The following ZNF521 variants were observed in gnomAD, a reference collection of about 807,000 sequenced individuals.
ZNF521 encodes LYST-interacting protein 3.
A neutral mutation model predicts 105.5 loss-of-function variants in ZNF521; 14 were observed. The observed-to-expected ratio is 0.13, with a 90% CI of 0.09 to 0.21. The LOEUF (loss-of-function observed/expected upper bound fraction) is 0.21, where lower values mean the gene tolerates loss of function less well. ZNF521 is among the 10% of genes least tolerant of loss of function. ZNF521 has a pLI of 1.00. For synonymous variants in ZNF521, 635 were observed against 606.0 expected (o/e 1.05, Z -0.70); for missense variants, 1,233 against 1,629.7 (o/e 0.76, Z 4.19).
At chr18:25,150,559 G>T (rs2035027415) in intron 5 of ZNF521, among the ~76,000 whole-genome samples, 1 of 152,152 alleles carries the variant, frequency 6.6e-6, no homozygotes, top group Admixed American at 6.5e-5. Flanking sequence ...TGATCTTGGA[G>T]AAAAACCAAG....
intron 5 of ZNF521, among the ~76,000 whole-genome samples, chr18:25,148,041 C>T (rs1462868004): frequency 6.6e-6 from 1 of 152,048 alleles, no homozygotes; most frequent in African/African-American, 2.4e-5. Context: ...CCAGCTGGCC[C>T]CTACTGAGAA....
chr18:25,291,285 C>T (rs1911007175), intron 3 of ZNF521, among the ~76,000 whole-genome samples: 1 of 152,068 alleles, frequency 6.6e-6, no homozygotes, highest in Non-Finnish European at 1.5e-5. Flanking sequence ...TTAAAGTGAC[C>T]ATTTCTACAC....
At chr18:25,258,676 ATCT>A (rs1345767831) in intron 3 of ZNF521, among the ~76,000 whole-genome samples, 1 of 152,148 alleles carries the variant, frequency 6.6e-6, no homozygotes, top group Non-Finnish European at 1.5e-5. Context: ...CAGCTTTCCT[ATCT>A]TCTTCTCTAT....
At chr18:25,158,082 C>G (rs987800050) in intron 5 of ZNF521, among the ~76,000 whole-genome samples, 2 of 151,986 alleles carry the variant, frequency 1.3e-5, no homozygotes, top group African/African-American at 2.4e-5. Context: ...TTAGTTTTCT[C>G]TAATATAAAA....
At chr18:25,334,879 A>T (rs745413654) in intron 2 of ZNF521, among the ~76,000 whole-genome samples, 2 of 152,206 alleles carry the variant, frequency 1.3e-5, no homozygotes, top group Non-Finnish European at 2.9e-5. Flanking sequence ...TAAGAGCCAG[A>T]CATCCATTAA....
intron 2 of ZNF521, among the ~76,000 whole-genome samples, chr18:25,324,844 C>T (rs1234861834): frequency 3.9e-5 from 6 of 152,200 alleles, no homozygotes; most frequent in Non-Finnish European, 7.3e-5. Flanking sequence ...TGCATGATGG[C>T]TTCGCTCTCA....
At chr18:25,287,155 G>A (rs1007568927) in intron 3 of ZNF521, among the ~76,000 whole-genome samples, 1 of 152,136 alleles carries the variant, frequency 6.6e-6, no homozygotes, top group Admixed American at 6.5e-5. Flanking sequence ...AGCAAACTTG[G>A]TAAAAACGTG....
chr18:25,255,300 G>A (rs1172536661), intron 3 of ZNF521, among the ~76,000 whole-genome samples: 1 of 152,040 alleles, frequency 6.6e-6, no homozygotes. Flanking sequence ...AAACAATTGA[G>A]AATTTTAGTA....
At chr18:25,130,172 G>A (rs2144390841) in intron 5 of ZNF521, among the ~76,000 whole-genome samples, 1 of 152,234 alleles carries the variant, frequency 6.6e-6, no homozygotes, top group East Asian at 1.9e-4. Context: ...AAAGAAATGA[G>A]CTATCAAGTC....
At chr18:25,208,257 C>A (rs1299517607) in intron 4 of ZNF521, among the ~76,000 whole-genome samples, 1 of 152,204 alleles carries the variant, frequency 6.6e-6, no homozygotes, top group Admixed American at 6.5e-5. Context: ...CATGAAGCAA[C>A]AACTATGTTT....
Position 25,092,098 on chromosome 18 carries a change from A to G in ZNF521, c.3659-17T>C, listed in dbSNP as rs191917935. The G allele has an allele frequency of 5.1e-3, 8,258 of 1,613,352 alleles. 37 individuals carry two copies. Among genetic ancestry groups the G allele is most frequent in the Non-Finnish European group, 6.2e-3 (7,337 of 1,179,556 alleles). ...GTCCTTCATCTGTCAAGGAAAACAC[A>G]TGAAGAGAAATGATGAAAACCTGTC... On this transcript the variant is annotated splice_polypyrimidine_tract_variant and intron_variant, in intron 5 of 7. Transcript: ENST00000361524.
intron 5 of ZNF521, among the ~76,000 whole-genome samples, chr18:25,187,929 G>A (rs1251708168): frequency 1.3e-5 from 2 of 152,104 alleles, no homozygotes; most frequent in African/African-American, 4.8e-5. Context: ...GGCTTTTGAA[G>A]GCAACAAAAC....
chr18:25,070,300 G>GT (rs2033185940), intron 7 of ZNF521, among the ~76,000 whole-genome samples: 1 of 152,126 alleles, frequency 6.6e-6, no homozygotes, highest in Admixed American at 6.6e-5. Context: ...CATTTTTGTT[G>GT]TTGTTCTCTG....
chr18:25,137,355 T>TTCTCTA (rs1250277015), intron 5 of ZNF521, among the ~76,000 whole-genome samples: 2 of 152,158 alleles, frequency 1.3e-5, no homozygotes, highest in Non-Finnish European at 2.9e-5. Flanking sequence ...GGGCAAAGGT[T>TTCTCTA]TCTCTACTGT....
At position 25,147,078 on chromosome 18, in the gene ZNF521, A is replaced by ATT. The variant is rs1184487644; in HGVS notation, c.3658+48080_3658+48081dup. On this transcript the variant is annotated intron_variant, in intron 5 of 7. Transcript: ENST00000361524. ...TTGCAGGATACAGAGCAGGGCAAAC[A>ATT]TTTTAAAATTTGAGGTTTATAAACA... Among the ~76,000 whole-genome samples, 5 of 152,284 alleles carry ATT rather than the reference A, an allele frequency of 3.3e-5. No homozygotes were observed. The East Asian group carries it at 9.7e-4, about 29-fold the overall frequency.
chr18:25,310,098 T>C (rs1158244929), intron 3 of ZNF521, among the ~76,000 whole-genome samples: 1 of 152,032 alleles, frequency 6.6e-6, no homozygotes, highest in African/African-American at 2.4e-5. Context: ...TATTCTAGTA[T>C]CTCCCACAGC....
intron 2 of ZNF521, among the ~76,000 whole-genome samples, chr18:25,325,263 G>A (rs1913152858): frequency 6.6e-6 from 1 of 152,148 alleles, no homozygotes; most frequent in Middle Eastern, 3.2e-3. Flanking sequence ...GTTGATGTAG[G>A]AAGATTCTAG....
At chr18:25,243,564 T>C (rs1191645188) in intron 3 of ZNF521, among the ~76,000 whole-genome samples, 1 of 152,222 alleles carries the variant, frequency 6.6e-6, no homozygotes, top group Non-Finnish European at 1.5e-5. Flanking sequence ...GTATCCTTCT[T>C]CGTTTCCTTT....
chr18:25,285,696 TCTCACA>T (rs1910659983), intron 3 of ZNF521, among the ~76,000 whole-genome samples: 1 of 127,052 alleles, frequency 7.9e-6, no homozygotes, highest in African/African-American at 3.4e-5. Flanking sequence ...TCTCTCTCTC[TCTCACA>T]CACACACACA....
Sources: gnomAD v4.1 joint callset for allele counts (sites outside exome capture counted in the v4.1 genomes callset) on GRCh38, gnomAD v4.1.1 for gene constraint, MANE v1.5 for transcripts, NCBI Gene and HGNC (gene_info 2026-07-23, HGNC 2026-07-21) for gene names.